Variants in TTC17 observed in about 807,000 individuals in gnomAD.
TTC17 encodes tetratricopeptide repeat domain 17, also known as tetratricopeptide repeat protein 17.
A neutral mutation model predicts 143.8 loss-of-function variants in TTC17; 58 were observed. The observed-to-expected ratio is 0.40, with a 90% CI of 0.33 to 0.50. The LOEUF (loss-of-function observed/expected upper bound fraction) is 0.50. TTC17 is among the 20% of genes least tolerant of loss of function. TTC17 has a pLI of 0.49. For missense variants in TTC17, 1,273 were observed against 1,392.5 expected (o/e 0.91, Z 1.37); for synonymous variants, 501 against 497.8 (o/e 1.01, Z -0.09).
chr11:43,428,570 G>A (rs1172745797), intron 16 of TTC17, among the ~76,000 whole-genome samples: 1 of 152,186 alleles, frequency 6.6e-6, no homozygotes, highest in Non-Finnish European at 1.5e-5. Context: ...AAGGCCACAT[G>A]GCAAGACCAA....
intron 16 of TTC17, among the ~76,000 whole-genome samples, chr11:43,426,538 C>T (rs1231473564): frequency 6.6e-6 from 1 of 152,198 alleles, no homozygotes; most frequent in Non-Finnish European, 1.5e-5. Flanking sequence ...TACTGAGATC[C>T]ATCCACAAGT....
chr11:43,437,391 G>T (rs1947316339), intron 16 of TTC17, among the ~76,000 whole-genome samples: 1 of 152,016 alleles, frequency 6.6e-6, no homozygotes, highest in South Asian at 2.1e-4. Flanking sequence ...TCTTAATTTG[G>T]CTCTCTAAAT....
At chr11:43,451,128 T>C (rs1947648947) in intron 20 of TTC17, 54 bp from the exon 21 acceptor site, 10 of 1,547,900 alleles carry the variant, frequency 6.5e-6, no homozygotes, top group Non-Finnish European at 8.9e-6. Flanking sequence ...AGCAGTATCA[T>C]CTAGATCCTG....
chr11:43,457,457 T>G (rs1947784918), intron 21 of TTC17, among the ~76,000 whole-genome samples: 1 of 151,340 alleles, frequency 6.6e-6, no homozygotes, highest in Non-Finnish European at 1.5e-5. Context: ...GAAGCAAGAA[T>G]GTATGGTTGA....
intron 21 of TTC17, among the ~76,000 whole-genome samples, chr11:43,470,699 A>G (rs548230073): frequency 6.6e-6 from 1 of 152,336 alleles, no homozygotes; most frequent in South Asian, 2.1e-4. Context: ...TTTAGGGTAG[A>G]TAGGAATTAC....
chr11:43,368,073 A>C lies in TTC17; in HGVS notation c.159+8960A>C, dbSNP rs564032947. 5.3e-5 allele frequency among the ~76,000 whole-genome samples: 8 copies of C among 152,324 alleles called. No individual in the cohort carries two copies. In the East Asian group the frequency reaches 1.5e-3, roughly 29 times the overall value. Reference sequence around the variant, plus strand: ...ATAGCTCTTACATGCATTAGCATACAGAAGAGCCAACACGTATTCCTGGTT... The same window carrying C: ...ATAGCTCTTACATGCATTAGCATACCGAAGAGCCAACACGTATTCCTGGTT... On this transcript the variant is annotated intron_variant, in intron 1 of 23. Coordinates refer to ENST00000039989, the MANE Select transcript of TTC17 (RefSeq NM_018259.6).
chr11:43,467,446 TATGTG>T (rs1480453626), intron 21 of TTC17, among the ~76,000 whole-genome samples: 1 of 152,214 alleles, frequency 6.6e-6, no homozygotes, highest in East Asian at 1.9e-4. Context: ...TGATTCCACT[TATGTG>T]AGGTATCTAG....
intron 1 of TTC17, among the ~76,000 whole-genome samples, chr11:43,372,833 G>A (rs1385477621): frequency 6.6e-6 from 1 of 151,974 alleles, no homozygotes; most frequent in Admixed American, 6.6e-5. Context: ...TTGTTAAAAA[G>A]GGAGAATAAC....
At chr11:43,393,379 A>G (rs1857461614) in intron 5 of TTC17, among the ~76,000 whole-genome samples, 2 of 152,312 alleles carry the variant, frequency 1.3e-5, no homozygotes, top group South Asian at 2.1e-4. Context: ...TAAAGGATGC[A>G]ATTCAGGAAC....
chr11:43,395,200 A>C (rs963024444), intron 5 of TTC17, among the ~76,000 whole-genome samples: 1 of 148,856 alleles, frequency 6.7e-6, no homozygotes, highest in Non-Finnish European at 1.5e-5. Flanking sequence ...TCCTGGGTTC[A>C]CGCTATTCTC....
intron 1 of TTC17, among the ~76,000 whole-genome samples, chr11:43,363,036 G>T (rs185397629): frequency 3.9e-5 from 6 of 152,258 alleles, no homozygotes; most frequent in Admixed American, 3.9e-4. Flanking sequence ...GCTGGTACCT[G>T]AAACCTAGTA....
At chr11:43,359,783 CTTTG>C (rs1268989013) in intron 1 of TTC17, among the ~76,000 whole-genome samples, 1 of 152,186 alleles carries the variant, frequency 6.6e-6, no homozygotes, top group East Asian at 1.9e-4. Flanking sequence ...GTGCACTTTG[CTTTG>C]TTTCTTTACC....
intron 16 of TTC17, among the ~76,000 whole-genome samples, chr11:43,435,737 T>C (rs1328497628): frequency 6.6e-6 from 1 of 152,264 alleles, no homozygotes; most frequent in Non-Finnish European, 1.5e-5. Flanking sequence ...TATCTCATTT[T>C]AAGCCATGAT....
chr11:43,480,498 C>G (rs905382871), intron 21 of TTC17, among the ~76,000 whole-genome samples: 1 of 152,002 alleles, frequency 6.6e-6, no homozygotes, highest in African/African-American at 2.4e-5. Context: ...GAGTGCCGTT[C>G]TAAAGAAAAT....
chr11:43,397,244 T>G, intron 6 of TTC17, 103 bp from the exon 7 acceptor site: 1 of 1,267,656 alleles, frequency 7.9e-7, no homozygotes, highest in Non-Finnish European at 1.1e-6. Context: ...TATCTTATTT[T>G]CTCCACCTAT....
intron 21 of TTC17, among the ~76,000 whole-genome samples, chr11:43,470,291 C>T (rs139338406): frequency 6.6e-6 from 1 of 152,202 alleles, no homozygotes; most frequent in Non-Finnish European, 1.5e-5. Context: ...AGGGGCCATT[C>T]TCTGCCCACC....
intron 16 of TTC17, among the ~76,000 whole-genome samples, chr11:43,416,989 T>C (rs950338080): frequency 2.6e-5 from 4 of 152,206 alleles, no homozygotes; most frequent in Non-Finnish European, 5.9e-5. Flanking sequence ...CATTTGCTAA[T>C]ACCTAAATAA....
At chr11:43,486,519 C>A in intron 21 of TTC17, 1 of 382,982 alleles carries the variant, frequency 2.6e-6, no homozygotes, top group Non-Finnish European at 5.5e-6. Flanking sequence ...ATTGTTGAGT[C>A]AAGTATACAT....
At chr11:43,392,505 G>A (rs1175752253) in intron 5 of TTC17, among the ~76,000 whole-genome samples, 2 of 152,182 alleles carry the variant, frequency 1.3e-5, no homozygotes, top group Admixed American at 1.3e-4. Flanking sequence ...ATCATAAAAT[G>A]CAGTTTAGTT....
Sources: gnomAD v4.1 joint callset for allele counts (sites outside exome capture counted in the v4.1 genomes callset) on GRCh38, gnomAD v4.1.1 for gene constraint, MANE v1.5 for transcripts, NCBI Gene and HGNC (gene_info 2026-07-23, HGNC 2026-07-21) for gene names.